KHDC1: variants seen among roughly 807,000 people sequenced by gnomAD.
KHDC1 encodes KH domain containing 1, also known as KH homology domain-containing protein 1.
Under a neutral mutation model 24.7 loss-of-function variants are expected in KHDC1, and 21 were observed. The ratio of observed to expected loss-of-function variants is 0.85; its 90% CI spans 0.60 to 1.23. The LOEUF is 1.23. Among genes scored for constraint, KHDC1 ranks in the 50% most tolerant of loss-of-function variants. KHDC1 has a pLI of 0.00. For missense variants in KHDC1, 274 were observed against 298.5 expected (o/e 0.92, Z 0.61); for synonymous variants, 98 against 111.7 (o/e 0.88, Z 0.77).
chr6:73,270,490 A>G (rs1767159323), intron 2 of KHDC1: 1 of 152,156 alleles, frequency 6.6e-6, no homozygotes, highest in Non-Finnish European at 1.5e-5. Flanking sequence ...AGAAAAACAG[A>G]AAAATAATAA....
At chr6:73,296,073 C>T (rs150949015) in intron 1 of KHDC1, among the ~76,000 whole-genome samples, 2,098 of 151,878 alleles carry the variant, frequency 0.014, 44 homozygotes, top group African/African-American at 0.047. Flanking sequence ...GCCTGGGAGG[C>T]GGAGGTTGCA....
At chr6:73,264,374 T>C (rs753370839) in intron 2 of KHDC1, among the ~76,000 whole-genome samples, 2 of 152,202 alleles carry the variant, frequency 1.3e-5, no homozygotes, top group African/African-American at 2.4e-5. Flanking sequence ...TCCAGTATTC[T>C]TTTCATCCTA....
intron 2 of KHDC1, among the ~76,000 whole-genome samples, chr6:73,257,484 C>T (rs1269982941): frequency 8.5e-5 from 13 of 152,194 alleles, no homozygotes; most frequent in African/African-American, 2.4e-4. Flanking sequence ...CTGCAACCTC[C>T]GCCTCCCAGG....
chr6:73,279,420 AAAC>A (rs974681329), intron 2 of KHDC1, among the ~76,000 whole-genome samples: 12 of 152,066 alleles, frequency 7.9e-5, no homozygotes, highest in Non-Finnish European at 1.5e-5. Flanking sequence ...TGAAAATAAA[AAAC>A]CAAGTCAACT....
At chr6:73,303,863 C>A (rs1168124328) in intron 1 of KHDC1, among the ~76,000 whole-genome samples, 1 of 152,118 alleles carries the variant, frequency 6.6e-6, no homozygotes, top group African/African-American at 2.4e-5. Flanking sequence ...TGGTGAAATG[C>A]AAATAATTTC....
intron 2 of KHDC1, among the ~76,000 whole-genome samples, chr6:73,262,221 AC>A (rs1054320675): frequency 1.7e-4 from 26 of 152,324 alleles, no homozygotes; most frequent in Middle Eastern, 3.4e-3. Context: ...ATAATAGTAT[AC>A]CCATTTCATA....
At chr6:73,249,472 G>A (rs1175396846) in intron 2 of KHDC1, among the ~76,000 whole-genome samples, 3 of 152,192 alleles carry the variant, frequency 2.0e-5, no homozygotes, top group Non-Finnish European at 2.9e-5. Flanking sequence ...GAGATAGTGT[G>A]CAGTGAGTTG....
At chr6:73,275,299 A>G (rs1767264487) in intron 2 of KHDC1, 1 of 152,754 alleles carries the variant, frequency 6.5e-6, no homozygotes, top group African/African-American at 2.4e-5. Flanking sequence ...GTGGTCAGCC[A>G]AGATCGCACC....
At chr6:73,294,087 T>C (rs61594993) in intron 1 of KHDC1, among the ~76,000 whole-genome samples, 7,599 of 150,658 alleles carry the variant, frequency 0.05, 484 homozygotes, top group African/African-American at 0.14. Flanking sequence ...AAGTTCAAGG[T>C]TGCCTGGGCA....
At chr6:73,309,583 C>T (rs1361913058) in exon 1 of KHDC1, 5 of 1,543,384 alleles carry the variant, frequency 3.2e-6, no homozygotes, top group Middle Eastern at 1.7e-4. Flanking sequence ...GGTGGAAAGA[C>T]ACTGTCCCGA....
At chr6:73,287,388 G>T (rs1004859026) in intron 2 of KHDC1, among the ~76,000 whole-genome samples, 1 of 152,174 alleles carries the variant, frequency 6.6e-6, no homozygotes, top group Admixed American at 6.5e-5. Context: ...CTACTAGAGG[G>T]TTATTAAATG....
intron 2 of KHDC1, chr6:73,270,262 A>G (rs920485718): frequency 6.6e-6 from 1 of 152,188 alleles, no homozygotes; most frequent in East Asian, 1.9e-4. Flanking sequence ...TCATGCATTA[A>G]TAAAACTGCA....
chr6:73,295,408 A>G (rs999553023), intron 1 of KHDC1, among the ~76,000 whole-genome samples: 1 of 152,180 alleles, frequency 6.6e-6, no homozygotes, highest in Non-Finnish European at 1.5e-5. Context: ...GAATGCACTA[A>G]TAACGAATCT....
chr6:73,275,080 C>T, intron 2 of KHDC1: 1 of 152,646 alleles, frequency 6.6e-6, no homozygotes. Flanking sequence ...AGGCCGGGTG[C>T]AGTGGCTCAT....
intron 2 of KHDC1, among the ~76,000 whole-genome samples, chr6:73,281,955 C>T (rs571441049): frequency 1.2e-4 from 18 of 151,868 alleles, no homozygotes; most frequent in Non-Finnish European, 2.1e-4. Flanking sequence ...CGGTGGCTCA[C>T]GCCTGTAATC....
intron 2 of KHDC1, among the ~76,000 whole-genome samples, chr6:73,254,599 G>A (rs186103423): frequency 5.3e-5 from 8 of 152,074 alleles, no homozygotes; most frequent in African/African-American, 1.9e-4. Flanking sequence ...TTAAAAAATG[G>A]CAAGGTGCTA....
intron 1 of KHDC1, among the ~76,000 whole-genome samples, chr6:73,308,027 C>G (rs1336612743): frequency 6.6e-6 from 1 of 151,740 alleles, no homozygotes; most frequent in Non-Finnish European, 1.5e-5. Context: ...CTCAGCCTCC[C>G]GAGTAGCTGG....
At chr6:73,245,609 G>C (rs1582549826) in intron 2 of KHDC1, among the ~76,000 whole-genome samples, 1 of 152,280 alleles carries the variant, frequency 6.6e-6, no homozygotes, top group East Asian at 1.9e-4. Context: ...TCAAGTCTTG[G>C]AGAGCGTTCT....
At chr6:73,283,390 T>C (rs1029209541) in intron 2 of KHDC1, among the ~76,000 whole-genome samples, 1 of 152,060 alleles carries the variant, frequency 6.6e-6, no homozygotes, top group African/African-American at 2.4e-5. Context: ...TCTTATTCCA[T>C]TGGCTTTTGC....
Sources: gnomAD v4.1 joint callset for allele counts (sites outside exome capture counted in the v4.1 genomes callset) on GRCh38, gnomAD v4.1.1 for gene constraint, MANE v1.5 for transcripts, NCBI Gene and HGNC (gene_info 2026-07-23, HGNC 2026-07-21) for gene names.